Variants in IL17REL observed in about 807,000 individuals in gnomAD.
The protein encoded by IL17REL is interleukin 17 receptor E like.
A neutral mutation model predicts 49.0 loss-of-function variants in IL17REL; 36 were observed. The observed-to-expected ratio is 0.73, with a 90% confidence interval of 0.56 to 0.97. The LOEUF is 0.97. IL17REL is among the 50% of genes least tolerant of loss of function. IL17REL has a pLI of 0.00. For synonymous variants in IL17REL, 206 were observed against 192.4 expected (o/e 1.07, Z -0.58); for missense variants, 470 against 453.9 (o/e 1.04, Z -0.32).
At chr22:49,993,755 G>C (rs1404657294), downstream of IL17REL, among the ~76,000 whole-genome samples, 1 of 152,162 alleles carries the variant, frequency 6.6e-6, no homozygotes, top group Non-Finnish European at 1.5e-5. The surrounding 1 kb of genome is among the most constrained non-coding windows in gnomAD (Gnocchi z 6.0). Context: ...TGTGACCCTG[G>C]TCTGGCCAAT....
chr22:50,005,399 G>A (rs1202845179), intron 1 of IL17REL, among the ~76,000 whole-genome samples: 1 of 152,146 alleles, frequency 6.6e-6, no homozygotes, highest in East Asian at 1.9e-4. Context: ...AGGAACAAGT[G>A]GGTTACAGAA....
intron 1 of IL17REL, among the ~76,000 whole-genome samples, chr22:50,002,829 C>T (rs1016557186): frequency 2.0e-5 from 3 of 152,190 alleles, no homozygotes; most frequent in African/African-American, 4.8e-5. Flanking sequence ...CACTGTAGTC[C>T]GGATGGACTC....
chr22:49,999,606 G>A (rs2061062342), intron 5 of IL17REL, 104 bp from the exon 8 acceptor site: 4 of 906,602 alleles, frequency 4.4e-6, no homozygotes, highest in East Asian at 2.7e-5. Context: ...ACGGGAGGTG[G>A]GTGGGGCCTA....
exon 10 of IL17REL, chr22:49,997,709 G>A (rs1351115889): frequency 1.2e-6 from 2 of 1,613,946 alleles, no homozygotes; most frequent in Non-Finnish European, 1.7e-6. Flanking sequence ...TGTTCGAAAG[G>A]GCACCGCACC....
intron 1 of IL17REL, among the ~76,000 whole-genome samples, chr22:50,007,537 A>AT (rs66520758): frequency 0.38 from 57,742 of 151,054 alleles, 11,435 homozygotes; most frequent in South Asian, 0.47. Context: ...CACTCAGTTA[A>AT]TTTTTTTGGG....
chr22:49,999,486 A>C, exon 6 of IL17REL: 6 of 1,598,590 alleles, frequency 3.8e-6, no homozygotes, highest in Non-Finnish European at 5.1e-6. Flanking sequence ...GGCCTGGGAG[A>C]CGCTGTTGGC....
chr22:49,997,972 GC>G, intron 9 of IL17REL, 52 bp downstream of exon 11: 1 of 1,276,830 alleles, frequency 7.8e-7, no homozygotes, highest in African/African-American at 1.5e-5. Context: ...CCGCCCTGAT[GC>G]CCCCTGGCCC....
At position 50,008,330 on chromosome 22, in the gene IL17REL, C is replaced by T. The variant is rs76643926; in HGVS notation, c.-42+307G>A. Among the ~76,000 whole-genome samples, 1,453 of 152,286 alleles carry T rather than the reference C, an allele frequency of 9.5e-3. 23 individuals are homozygous for T. The highest frequency in any genetic ancestry group is 0.033 in the African/African-American group (1,381 of 41,558). ...AGGGAAAAAGCTTTGCTAGAGGAGACGGGGTTTTCCACCTGCTGCTTCTGG... is the reference window on the plus strand; with the variant it reads ...AGGGAAAAAGCTTTGCTAGAGGAGATGGGGTTTTCCACCTGCTGCTTCTGG... On this transcript the variant is annotated intron_variant, in intron 1 of 12. Coordinates refer to ENST00000341280, the Ensembl canonical transcript of IL17REL.
chr22:49,998,148 C>T (rs1319546353), exon 8 of IL17REL: 1 of 1,606,238 alleles, frequency 6.2e-7, no homozygotes, highest in Non-Finnish European at 8.5e-7. Flanking sequence ...CTGCGATGCA[C>T]CAGCTGGCTG....
At chr22:49,999,245 G>A in intron 7 of IL17REL, 46 bp downstream of exon 9, 6 of 1,605,740 alleles carry the variant, frequency 3.7e-6, no homozygotes, top group Non-Finnish European at 5.1e-6. Context: ...CAGACTGGCC[G>A]CAGCCATTCC....
At chr22:50,000,398 C>T in intron 4 of IL17REL, 80 bp downstream of exon 5, 1 of 1,073,406 alleles carries the variant, frequency 9.3e-7, no homozygotes, top group Non-Finnish European at 1.4e-6. Flanking sequence ...GGCCAGGCCC[C>T]TGCCCTGGGC....
intron 1 of IL17REL, among the ~76,000 whole-genome samples, chr22:50,002,495 C>CTTTTTTTTTTTTTTTTT (rs398040533): frequency 7.8e-6 from 1 of 127,910 alleles, no homozygotes; most frequent in East Asian, 2.2e-4. Flanking sequence ...CTTTTCTTTT[C>CTTTTTTTTTTTTTTTTT]TTTTTTTTTT....
At chr22:49,996,392 G>A (rs1321799444) in exon 13 of IL17REL, 1 of 152,496 alleles carries the variant, frequency 6.6e-6, no homozygotes, top group Non-Finnish European at 1.5e-5. Context: ...GGCCACATGT[G>A]CTTAGTTCTG....
intron 7 of IL17REL, among the ~76,000 whole-genome samples, chr22:49,998,667 G>A (rs1488453327): frequency 2.0e-5 from 3 of 149,358 alleles, no homozygotes; most frequent in Non-Finnish European, 4.5e-5. Context: ...TCATGGGTAT[G>A]GGTGTGCGTG....
intron 1 of IL17REL, among the ~76,000 whole-genome samples, chr22:50,004,851 C>CAAA (rs137852): frequency 0.21 from 29,081 of 141,296 alleles, 3,122 homozygotes; most frequent in South Asian, 0.38. Flanking sequence ...GACTCCATCT[C>CAAA]AAAAAAAAAA....
chr22:50,008,739 C>G (rs941783070), upstream of IL17REL: 4 of 152,660 alleles, frequency 2.6e-5, no homozygotes, highest in African/African-American at 9.7e-5. Flanking sequence ...CTGCCCTGTC[C>G]CTCACTCCTG....
At chr22:49,992,859 C>T (rs947171093), downstream of IL17REL, among the ~76,000 whole-genome samples, 1 of 152,162 alleles carries the variant, frequency 6.6e-6, no homozygotes, top group Admixed American at 6.5e-5. Flanking sequence ...TTAAGTAATC[C>T]ACCCGCCTTG....
upstream of IL17REL, among the ~76,000 whole-genome samples, chr22:50,011,946 G>A (rs529226449): frequency 1.1e-4 from 16 of 152,320 alleles, no homozygotes; most frequent in African/African-American, 3.1e-4. Flanking sequence ...CTCCCTTTCC[G>A]GGACACCTTC....
intron 11 of IL17REL, 39 bp downstream of exon 13, chr22:49,997,281 C>T (rs769465959): frequency 1.9e-6 from 3 of 1,589,508 alleles, no homozygotes; most frequent in Admixed American, 3.4e-5. Context: ...CGCCACCACC[C>T]CCACCTCCCC....
Sources: gnomAD v4.1 joint callset for allele counts (sites outside exome capture counted in the v4.1 genomes callset) on GRCh38, gnomAD v4.1.1 for gene constraint, Gnocchi (gnomAD v3.1) non-coding constraint, MANE v1.5 for transcripts, NCBI Gene and HGNC (gene_info 2026-07-23, HGNC 2026-07-21) for gene names.